ADH5: variants seen among roughly 807,000 people sequenced by gnomAD.
ADH5 encodes alcohol dehydrogenase class-3.
In ADH5, 32 loss-of-function variants were observed where a neutral mutation model predicts 40.3. The ratio of observed to expected loss-of-function variants is 0.79; its 90% CI spans 0.60 to 1.07. The LOEUF (loss-of-function observed/expected upper bound fraction) is 1.07. Among genes scored for constraint, ADH5 ranks in the 50% least tolerant of loss-of-function variants. The pLI is 0.00. For missense variants in ADH5, 353 were observed against 460.5 expected (o/e 0.77, Z 2.14); for synonymous variants, 125 against 154.3 (o/e 0.81, Z 1.41).
chr4:99,078,218 G>A (rs1405180061), intron 4 of ADH5, among the ~76,000 whole-genome samples: 1 of 152,074 alleles, frequency 6.6e-6, no homozygotes, highest in African/African-American at 2.4e-5. Flanking sequence ...TAGAGACGGG[G>A]TCTCACTATG....
chr4:99,073,724 T>C (rs1727872925), intron 7 of ADH5, among the ~76,000 whole-genome samples: 1 of 152,218 alleles, frequency 6.6e-6, no homozygotes, highest in Non-Finnish European at 1.5e-5. Flanking sequence ...GTCACTCCTG[T>C]TCTCTAGACA....
At position 99,088,019 on chromosome 4, in the gene ADH5, G is replaced by T. The variant is rs148680308; in HGVS notation, c.12+670C>A. ...TTTATGAATTTGTCATAGAGGAGCA[G>T]ACCTGGGTCGGAATCCCAGCTCGCC... On this transcript the variant is annotated intron_variant, in intron 1 of 8. Coordinates refer to ENST00000296412, the MANE Select transcript of ADH5 (RefSeq NM_000671.4). Among the ~76,000 whole-genome samples, 308 of 152,310 alleles carry T rather than the reference G, an allele frequency of 2.0e-3. 2 individuals are homozygous for T. The highest frequency in any genetic ancestry group is 7.0e-3 in the African/African-American group (290 of 41,568).
At position 99,076,383 on chromosome 4, in the gene ADH5, T is replaced by G; in HGVS notation, c.734A>C (p.Asp245Ala). The change falls in exon 6 of 9, where the codon GAT becomes GCT. Residue 245 changes from aspartate (D) to alanine (A), a missense_variant. Coordinates refer to ENST00000296412, the MANE Select transcript of ADH5 (RefSeq NM_000671.4). Reference sequence around the variant, plus strand: ...CACTTCCTGGATGGGTTTACTAAAATCCTGAGGGTTAATACATTCAGTGGC... The same window carrying G: ...CACTTCCTGGATGGGTTTACTAAAAGCCTGAGGGTTAATACATTCAGTGGC... ...FGATECINPQDFSKPIQEVLI... is the reference protein window; with the variant it reads ...FGATECINPQAFSKPIQEVLI... The G allele has an allele frequency of 1.2e-6, 2 of 1,614,156 alleles. No individual in the cohort carries two copies. The highest frequency in any genetic ancestry group is 3.3e-4 in the Middle Eastern group (2 of 6,062).
intron 5 of ADH5, 41 bp from the exon 6 acceptor site, chr4:99,076,593 A>C: frequency 6.3e-7 from 1 of 1,598,404 alleles, no homozygotes; most frequent in Non-Finnish European, 8.5e-7. Flanking sequence ...ATTCTACCAG[A>C]GTCAAGAGAA....
At position 99,082,027 on chromosome 4, in the gene ADH5, T is replaced by C. The variant is rs1044629699; in HGVS notation, c.204A>G (p.Glu68=). 8.1e-6 allele frequency: 13 copies of C among 1,613,742 alleles called. No individual in the cohort carries two copies. The African/African-American group carries it at 1.6e-4, about 20-fold the overall frequency. ...EGCFPVILGH[E]GAGIVESVGE... is the part of the protein sequence containing the mutation. The stretch of plus-strand genomic sequence containing the variant: ...CAACACTTTCCACAATTCCAGCACC[T>C]TCATGTCCCAAGATCACTGGAAAAC... Residue 68 remains glutamate, a synonymous_variant, in exon 3 of 9, where the codon GAA becomes GAG. Coordinates refer to ENST00000296412, the MANE Select transcript of ADH5 (RefSeq NM_000671.4).
chr4:99,082,183 G>T, intron 2 of ADH5, 67 bp from the exon 3 acceptor site: 1 of 1,488,062 alleles, frequency 6.7e-7, no homozygotes, highest in South Asian at 1.3e-5. Flanking sequence ...ACAGATACAA[G>T]AAAAGTCATT....
At chr4:99,073,345 A>AT (rs1727866869) in intron 7 of ADH5, among the ~76,000 whole-genome samples, 1 of 151,978 alleles carries the variant, frequency 6.6e-6, no homozygotes, top group Admixed American at 6.6e-5. Flanking sequence ...CGCCCAGCTA[A>AT]TTTTTTGTAT....
chr4:99,081,324 G>A (rs531255206), intron 4 of ADH5, 41 bp downstream of exon 4: 18 of 1,284,000 alleles, frequency 1.4e-5, no homozygotes, highest in Middle Eastern at 1.8e-4. Context: ...TAATTATCCC[G>A]CAGCACTTGT....
intron 4 of ADH5, among the ~76,000 whole-genome samples, chr4:99,077,994 T>C (rs1727960061): frequency 6.6e-6 from 1 of 152,216 alleles, no homozygotes; most frequent in Non-Finnish European, 1.5e-5. Context: ...TCTAATGAGA[T>C]GTTATATGAG....
intron 1 of ADH5, chr4:99,085,560 T>C (rs1446837150): frequency 3.0e-6 from 1 of 333,320 alleles, no homozygotes; most frequent in Non-Finnish European, 5.9e-6. Flanking sequence ...GTCCAAGAAA[T>C]CTGCATGCTT....
At chr4:99,082,546 T>A (rs1209817316) in intron 2 of ADH5, among the ~76,000 whole-genome samples, 1 of 152,246 alleles carries the variant, frequency 6.6e-6, no homozygotes, top group Non-Finnish European at 1.5e-5. Context: ...TGACTATTTC[T>A]GAAATAGGCC....
chr4:99,083,612 A>G (rs1366465787), intron 2 of ADH5, among the ~76,000 whole-genome samples: 11 of 106,090 alleles, frequency 1.0e-4, no homozygotes, highest in African/African-American at 3.7e-4. Context: ...AAAAAAAAAA[A>G]AAAAAAAAAA....
At chr4:99,079,317 G>A (rs563279599) in intron 4 of ADH5, among the ~76,000 whole-genome samples, 2 of 152,270 alleles carry the variant, frequency 1.3e-5, no homozygotes, top group African/African-American at 4.8e-5. Context: ...AGAGCAACAA[G>A]AAGGAACTAC....
Position 99,085,226 on chromosome 4 carries a change from G to T in ADH5, c.13-10C>A. Reference sequence around the variant, plus strand: ...CCTTGCACTTGATAACCTGAAGTGGGGAAAAAAGGGAATAAGCTGTTTATC... The same window carrying T: ...CCTTGCACTTGATAACCTGAAGTGGTGAAAAAAGGGAATAAGCTGTTTATC... On this transcript the variant is annotated splice_polypyrimidine_tract_variant and intron_variant, in intron 1 of 8. Transcript: ENST00000296412. 7.0e-7 allele frequency: 1 copy of T among 1,424,062 alleles called. No individual in the cohort carries two copies. The highest frequency in any genetic ancestry group is 1.5e-5 in the South Asian group (1 of 66,526). 88.2% of individuals were successfully genotyped at this position (1,424,062 alleles called of 1,614,324 possible).
At chr4:99,076,014 G>C (rs980176477) in intron 6 of ADH5, 15 of 342,994 alleles carry the variant, frequency 4.4e-5, no homozygotes, top group Admixed American at 1.3e-4. Flanking sequence ...TGATTCCAAA[G>C]ATCATGCTCT....
chr4:99,072,483 T>G, intron 8 of ADH5, 42 bp from the exon 9 acceptor site: 1 of 1,611,140 alleles, frequency 6.2e-7, no homozygotes, highest in Non-Finnish European at 8.5e-7. Context: ...ATGATACCTT[T>G]AAGACAACTA....
At chr4:99,088,472 G>A (rs1305792324) in intron 1 of ADH5, among the ~76,000 whole-genome samples, 5 of 93,468 alleles carry the variant, frequency 5.3e-5, no homozygotes, top group Non-Finnish European at 9.6e-5. Context: ...GACTGTCCCA[G>A]AAGCAGCAAA....
At chr4:99,073,776 A>G (rs191992938) in intron 7 of ADH5, among the ~76,000 whole-genome samples, 5 of 152,344 alleles carry the variant, frequency 3.3e-5, no homozygotes, top group African/African-American at 7.2e-5. Flanking sequence ...AAGGGGCCTC[A>G]ATGATACAAT....
intron 1 of ADH5, among the ~76,000 whole-genome samples, chr4:99,087,224 A>G (rs1328295121): frequency 6.6e-6 from 1 of 152,004 alleles, no homozygotes; most frequent in East Asian, 1.9e-4. Context: ...TCTCTACTAA[A>G]AATACAAAAA....
Sources: allele counts gnomAD v4.1 joint callset (sites outside exome capture counted in the v4.1 genomes callset), GRCh38; gene constraint gnomAD v4.1.1; transcripts MANE v1.5; gene names NCBI Gene and HGNC (gene_info 2026-07-23, HGNC 2026-07-21).